The following MED12L variants were observed in gnomAD, a reference collection of about 807,000 sequenced individuals.
MED12L encodes the protein mediator complex subunit 12L.
MED12L carries 60 observed loss-of-function variants against 281.3 expected under a neutral mutation model. That is an observed-to-expected ratio of 0.21 (90% CI 0.17 to 0.26). The LOEUF (loss-of-function observed/expected upper bound fraction) is 0.26, where lower values mean the gene tolerates loss of function less well. Among genes scored for constraint, MED12L ranks in the 10% least tolerant of loss-of-function variants. MED12L has a pLI of 1.00. For missense variants in MED12L, 2,146 were observed against 2,680.9 expected (o/e 0.80, Z 4.41); for synonymous variants, 974 against 987.2 (o/e 0.99, Z 0.25).
At chr3:151,191,026 C>G (rs1723907359) in intron 14 of MED12L, 95 bp downstream of exon 14, 2 of 1,076,784 alleles carry the variant, frequency 1.9e-6, no homozygotes, top group Non-Finnish European at 2.7e-6. Flanking sequence ...AGAGTGATGG[C>G]TTTTTGTTGT....
chr3:151,307,274 C>G (rs960437619), intron 16 of MED12L, among the ~76,000 whole-genome samples: 8 of 152,124 alleles, frequency 5.3e-5, no homozygotes, highest in Non-Finnish European at 2.9e-5. Context: ...AGGCAGATTA[C>G]CTCACTGGTT....
At chr3:151,141,993 C>T (rs557769758) in intron 5 of MED12L, among the ~76,000 whole-genome samples, 1 of 152,252 alleles carries the variant, frequency 6.6e-6, no homozygotes, top group African/African-American at 2.4e-5. Flanking sequence ...ATCATGGTTC[C>T]CTACCCTCTT....
intron 16 of MED12L, among the ~76,000 whole-genome samples, chr3:151,300,427 T>C (rs1471202836): frequency 6.6e-6 from 1 of 152,168 alleles, no homozygotes; most frequent in Non-Finnish European, 1.5e-5. Flanking sequence ...AGCTTTGCAT[T>C]CTTCACAACA....
At chr3:151,327,905 C>T (rs1749840689) in intron 16 of MED12L, 1 of 966,350 alleles carries the variant, frequency 1.0e-6, no homozygotes, top group Non-Finnish European at 1.5e-6. Flanking sequence ...GCATTTGTTC[C>T]AATCTTTTTT....
chr3:151,361,056 T>G (rs1197885445), intron 21 of MED12L, among the ~76,000 whole-genome samples: 1 of 152,134 alleles, frequency 6.6e-6, no homozygotes, highest in East Asian at 1.9e-4. Context: ...TTTGCTTTAT[T>G]TGTATCCCTC....
At chr3:151,273,407 T>TTC (rs1278611920) in intron 16 of MED12L, among the ~76,000 whole-genome samples, 4 of 146,614 alleles carry the variant, frequency 2.7e-5, no homozygotes, top group Admixed American at 1.4e-4. Context: ...TTTGTATTTT[T>TTC]TTTTTTTTTT....
At chr3:151,119,303 ACTTC>A (rs1713372880) in intron 3 of MED12L, among the ~76,000 whole-genome samples, 1 of 143,496 alleles carries the variant, frequency 7.0e-6, no homozygotes, top group Non-Finnish European at 1.5e-5. Flanking sequence ...ATAACAAAAT[ACTTC>A]AGACTGGGTG....
intron 20 of MED12L, among the ~76,000 whole-genome samples, chr3:151,358,145 A>AT (rs527273682): frequency 8.8e-4 from 134 of 152,278 alleles, no homozygotes; most frequent in Admixed American, 1.6e-3. Flanking sequence ...ATCAATTTAT[A>AT]TGCTATCCTA....
chr3:151,223,225 A>G (rs988828829), intron 16 of MED12L, among the ~76,000 whole-genome samples: 2 of 88,222 alleles, frequency 2.3e-5, no homozygotes, highest in African/African-American at 9.7e-5. Flanking sequence ...AAAAGAGAAC[A>G]CTTATGTACT....
chr3:151,298,859 C>T (rs866841227), intron 16 of MED12L, among the ~76,000 whole-genome samples: 6 of 152,142 alleles, frequency 3.9e-5, no homozygotes, highest in Non-Finnish European at 4.4e-5. Flanking sequence ...ATACTAGCTA[C>T]GTTCAAGTTT....
rs1321307059 is a variant in MED12L, at chr3:151,432,738, A to C, written c.6491-14A>C. On this transcript the variant is annotated splice_polypyrimidine_tract_variant and intron_variant, in intron 44 of 44. Coordinates refer to ENST00000687756, the MANE Select transcript of MED12L (RefSeq NM_001393769.1). ...TGTGTCTGTAATTTTGGTTCAATTT[A>C]TTTTTCTCCTTAGGCAACCAGCCAC... is the stretch of plus-strand genomic sequence containing the variant. 6.2e-7 allele frequency: 1 copy of C among 1,610,138 alleles called. No homozygotes were observed. Among genetic ancestry groups the C allele is most frequent in the South Asian group, 1.1e-5 (1 of 90,376 alleles).
intron 11 of MED12L, among the ~76,000 whole-genome samples, chr3:151,178,157 C>CAAAAAAAAAAAAAAAA (rs10572929): frequency 2.8e-4 from 14 of 49,170 alleles, no homozygotes; most frequent in East Asian, 1.3e-3. Flanking sequence ...GACTTGGTCT[C>CAAAAAAAAAAAAAAAA]AAAAAAAAAA....
In MED12L at chr3:151,430,302, C is replaced by T; in HGVS notation, c.6412C>T (p.Pro2138Ser). The change falls in exon 44 of 45, where the codon CCC becomes TCC. Residue 2138 changes from proline to serine, a missense_variant. Coordinates refer to ENST00000687756, the MANE Select transcript of MED12L (RefSeq NM_001393769.1). ...QAMQPQQPLF[P>S]RQGLQQTQQQ... is the part of the protein sequence containing the mutation. ...CTTTCTCCTGTCGCCATTACAGTTT[C>T]CCAGGCAAGGCTTGCAGCAGACCCA... 2 of 1,614,100 alleles carry T rather than the reference C, an allele frequency of 1.2e-6. No individual in the cohort carries two copies.
chr3:151,363,066 A>G (rs1754812959), intron 21 of MED12L, among the ~76,000 whole-genome samples: 2 of 152,122 alleles, frequency 1.3e-5, no homozygotes, highest in African/African-American at 4.8e-5. Context: ...CAAATAGGTT[A>G]AATGAGGTAA....
intron 5 of MED12L, among the ~76,000 whole-genome samples, chr3:151,135,950 G>A (rs567556480): frequency 2.0e-5 from 3 of 152,250 alleles, no homozygotes; most frequent in Admixed American, 6.5e-5. Flanking sequence ...CATATCATGC[G>A]CATGAGGTCT....
intron 43 of MED12L, among the ~76,000 whole-genome samples, chr3:151,418,800 T>C (rs578129913): frequency 6.6e-6 from 1 of 152,248 alleles, no homozygotes; most frequent in South Asian, 2.1e-4. Flanking sequence ...TCTATTAAAT[T>C]ATTCTTGCCT....
intron 2 of MED12L, among the ~76,000 whole-genome samples, chr3:151,112,303 T>TG (rs1712034224): frequency 1.3e-5 from 2 of 149,114 alleles, no homozygotes; most frequent in African/African-American, 5.0e-5. Context: ...TTTTTTGAGA[T>TG]GGAGTCTCGC....
At chr3:151,330,044 C>A (rs1219964977) in intron 16 of MED12L, among the ~76,000 whole-genome samples, 1 of 152,076 alleles carries the variant, frequency 6.6e-6, no homozygotes, top group Non-Finnish European at 1.5e-5. Flanking sequence ...ACTATTAGAT[C>A]CAGATTTTTG....
intron 16 of MED12L, among the ~76,000 whole-genome samples, chr3:151,247,618 C>T (rs57035412): frequency 3.5e-4 from 38 of 108,318 alleles, no homozygotes; most frequent in South Asian, 6.6e-4. Flanking sequence ...GTTGTGGGGT[C>T]GGGGAGGGGG....
Sources: allele counts gnomAD v4.1 joint callset (sites outside exome capture counted in the v4.1 genomes callset), GRCh38; gene constraint gnomAD v4.1.1; transcripts MANE v1.5; gene names NCBI Gene and HGNC (gene_info 2026-07-23, HGNC 2026-07-21).